Variants in JDP2 observed in about 807,000 individuals in gnomAD.
JDP2 encodes the protein progesterone receptor co-activator.
In JDP2, 9 loss-of-function variants were observed where a neutral mutation model predicts 17.1. The ratio of observed to expected loss-of-function variants is 0.53; its 90% CI spans 0.32 to 0.92. The LOEUF (loss-of-function observed/expected upper bound fraction) is 0.92, where lower values mean the gene tolerates loss of function less well. Ranked by LOEUF, JDP2 falls within the 40% of genes least tolerant of loss-of-function variation. The pLI, the probability that JDP2 is intolerant of heterozygous loss-of-function variation, is 0.04. For synonymous variants in JDP2, 107 were observed against 95.6 expected (o/e 1.12, Z -0.69); for missense variants, 179 against 220.0 (o/e 0.81, Z 1.18).
chr14:75,456,617 G>C (rs1886117653), intron 2 of JDP2, among the ~76,000 whole-genome samples: 2 of 152,040 alleles, frequency 1.3e-5, no homozygotes, highest in African/African-American at 2.4e-5. Context: ...CCCCGTCTTG[G>C]AGCTGAGTGG....
intron 3 of JDP2, 95 bp from the exon 4 acceptor site, chr14:75,469,195 C>A: frequency 1.7e-6 from 2 of 1,175,448 alleles, no homozygotes; most frequent in Non-Finnish European, 2.4e-6. Context: ...CAGGCCAGTG[C>A]CAGCCCAGCG....
At chr14:75,434,911 A>T (rs1013135341) in intron 1 of JDP2, among the ~76,000 whole-genome samples, 6 of 152,208 alleles carry the variant, frequency 3.9e-5, no homozygotes, top group Admixed American at 3.9e-4. Flanking sequence ...TCATTTGTTC[A>T]TTCATTTATT....
At chr14:75,432,254 T>A in intron 1 of JDP2, 5 of 1,480,836 alleles carry the variant, frequency 3.4e-6, no homozygotes, top group Non-Finnish European at 2.8e-6. Flanking sequence ...GTCATTCAGA[T>A]TCCAAGAGAG....
At chr14:75,451,333 A>G (rs1196974529) in intron 2 of JDP2, among the ~76,000 whole-genome samples, 1 of 151,920 alleles carries the variant, frequency 6.6e-6, no homozygotes, top group South Asian at 2.1e-4. Context: ...GGGGGGAGCA[A>G]ATCTGACGAA....
At chr14:75,437,285 C>T (rs143381211) in intron 1 of JDP2, among the ~76,000 whole-genome samples, 2,131 of 152,092 alleles carry the variant, frequency 0.014, 28 homozygotes, top group South Asian at 0.061. Flanking sequence ...TCATAGATAG[C>T]ACACACACTC....
At chr14:75,433,490 G>A (rs1353066831) in intron 1 of JDP2, among the ~76,000 whole-genome samples, 2 of 147,276 alleles carry the variant, frequency 1.4e-5, no homozygotes, top group Admixed American at 6.8e-5. Flanking sequence ...ACAATGCAGT[G>A]TCCTAACTGT....
chr14:75,468,017 G>A (rs1886643199), intron 3 of JDP2, among the ~76,000 whole-genome samples: 4 of 152,152 alleles, frequency 2.6e-5, no homozygotes, highest in Admixed American at 2.6e-4. Context: ...GACCCCTGGA[G>A]GGAGAGGGTT....
Position 75,430,230 on chromosome 14 carries a change from TGCAATGG to T in JDP2, c.-24+1981_-24+1987del, listed in dbSNP as rs1425108029. On this transcript the variant is annotated intron_variant, in intron 1 of 3. Transcript: ENST00000651602. This position sits in a 1 kb window ranked among gnomAD's most constrained non-coding sequence, Gnocchi z 4.5. ...TTGTTTGTCGTGGGGCTACTGGTGT[TGCAATGG>T]GCTGTCTCTCTCGAGTGTCTGTTTC... Among the ~76,000 whole-genome samples, 3 of 152,142 alleles carry T rather than the reference TGCAATGG, an allele frequency of 2.0e-5. No homozygotes were observed. The highest frequency in any genetic ancestry group is 4.4e-5 in the Non-Finnish European group (3 of 68,022).
At chr14:75,444,751 G>C (rs1885516959) in intron 2 of JDP2, among the ~76,000 whole-genome samples, 1 of 152,186 alleles carries the variant, frequency 6.6e-6, no homozygotes, top group African/African-American at 2.4e-5. Flanking sequence ...CTTTGTTAGA[G>C]ACTGATTCCA....
chr14:75,453,143 T>A (rs1303022683), intron 2 of JDP2, among the ~76,000 whole-genome samples: 1 of 149,434 alleles, frequency 6.7e-6, no homozygotes, highest in Admixed American at 6.6e-5. Context: ...ATCTTGTCCC[T>A]GAATTGCCCT....
At chr14:75,452,203 C>A (rs186767472) in intron 2 of JDP2, among the ~76,000 whole-genome samples, 1 of 152,300 alleles carries the variant, frequency 6.6e-6, no homozygotes, top group South Asian at 2.1e-4. Context: ...AAGGACTTTG[C>A]GGAGATTTTA....
chr14:75,469,310 C>A lies in JDP2; in HGVS notation c.327C>A (p.Leu109=). ...FLQRESERLE[L]MNAELKTQIE... ...TACAGGAATCCGAGCGGCTGGAACT[C>A]ATGAACGCAGAGCTGAAGACCCAGA... Residue 109 remains leucine, a synonymous_variant, in exon 4 of 4, where the codon CTC becomes CTA. Transcript: ENST00000651602. The A allele has an allele frequency of 6.2e-7, 1 of 1,614,084 alleles. No individual in the cohort carries two copies. The highest frequency in any genetic ancestry group is 8.5e-7 in the Non-Finnish European group (1 of 1,179,974).
chr14:75,448,743 T>G (rs1380262581), intron 2 of JDP2, among the ~76,000 whole-genome samples: 1 of 152,228 alleles, frequency 6.6e-6, no homozygotes, highest in East Asian at 1.9e-4. Context: ...CTTCATTGTT[T>G]TAGAAGGAAG....
chr14:75,441,893 G>T (rs1363469905), intron 2 of JDP2, among the ~76,000 whole-genome samples: 1 of 152,152 alleles, frequency 6.6e-6, no homozygotes, highest in Non-Finnish European at 1.5e-5. Context: ...TGTGGCTGTG[G>T]TGGTCACACC....
intron 2 of JDP2, among the ~76,000 whole-genome samples, chr14:75,438,817 G>A (rs373493004): frequency 6.6e-6 from 1 of 152,272 alleles, no homozygotes; most frequent in African/African-American, 2.4e-5. Flanking sequence ...GCACTGGTGA[G>A]CAGCAGCAGT....
intron 2 of JDP2, among the ~76,000 whole-genome samples, chr14:75,456,567 C>G (rs1257225487): frequency 1.3e-5 from 2 of 152,176 alleles, no homozygotes; most frequent in African/African-American, 4.8e-5. Flanking sequence ...TTCTCTCCAT[C>G]CCCCTTTCCC....
At chr14:75,460,864 A>G (rs1328145889) in intron 2 of JDP2, among the ~76,000 whole-genome samples, 1 of 152,188 alleles carries the variant, frequency 6.6e-6, no homozygotes. Flanking sequence ...ACTATCACAG[A>G]ATACCACCAA....
At chr14:75,455,647 C>G (rs1397046312) in intron 2 of JDP2, among the ~76,000 whole-genome samples, 1 of 152,072 alleles carries the variant, frequency 6.6e-6, no homozygotes. Context: ...GTTCCTCTAC[C>G]AAAGAGCACA....
intron 2 of JDP2, among the ~76,000 whole-genome samples, chr14:75,456,774 A>G (rs748249092): frequency 4.6e-5 from 7 of 152,144 alleles, no homozygotes; most frequent in Non-Finnish European, 7.4e-5. Flanking sequence ...TCCCTGTCCA[A>G]TTTAAAATTC....
Sources: allele counts gnomAD v4.1 joint callset (sites outside exome capture counted in the v4.1 genomes callset), GRCh38; gene constraint gnomAD v4.1.1; non-coding constraint Gnocchi (gnomAD v3.1); transcripts MANE v1.5; gene names NCBI Gene and HGNC (gene_info 2026-07-23, HGNC 2026-07-21).